The following DSE variants were observed in gnomAD, a reference collection of about 807,000 sequenced individuals.
The protein encoded by DSE is dermatan-sulfate epimerase.
In DSE, 36 loss-of-function variants were observed where a neutral mutation model predicts 84.4. The observed-to-expected ratio is 0.43, with a 90% CI of 0.33 to 0.56. The LOEUF (loss-of-function observed/expected upper bound fraction) is 0.56, where lower values mean the gene tolerates loss of function less well. Among genes scored for constraint, DSE ranks in the 20% least tolerant of loss-of-function variants. The probability of loss-of-function intolerance (pLI) is 0.06; values close to 1 mark genes in which losing one functional copy is unlikely to be tolerated. For missense variants in DSE, 862 were observed against 1,169.6 expected (o/e 0.74, Z 3.84); for synonymous variants, 410 against 430.1 (o/e 0.95, Z 0.58).
chr6:116,393,143 T>C (rs576246742), intron 1 of DSE, among the ~76,000 whole-genome samples: 13 of 152,306 alleles, frequency 8.5e-5, no homozygotes, highest in Admixed American at 5.9e-4. Flanking sequence ...AAAAAAGAAG[T>C]GGTCGCCTTT....
chr6:116,320,834 C>T (rs1336310953), intron 2 of DSE, among the ~76,000 whole-genome samples: 1 of 152,196 alleles, frequency 6.6e-6, no homozygotes, highest in African/African-American at 2.4e-5. Flanking sequence ...TTAATTACCT[C>T]TTTAGAGGCC....
intron 1 of DSE, among the ~76,000 whole-genome samples, chr6:116,394,364 A>C (rs1342592742): frequency 1.3e-5 from 2 of 152,202 alleles, no homozygotes; most frequent in Non-Finnish European, 2.9e-5. Context: ...ACGTAATGCT[A>C]AACTTGGACT....
At chr6:116,385,342 A>T (rs984052852) in intron 1 of DSE, among the ~76,000 whole-genome samples, 6 of 152,168 alleles carry the variant, frequency 3.9e-5, no homozygotes, top group Admixed American at 2.0e-4. Context: ...TCTGGCTTCT[A>T]TGTGGAGAAT....
chr6:116,371,284 C>T (rs564616810), intron 1 of DSE, among the ~76,000 whole-genome samples, 163 bp downstream of exon 1: 3 of 152,304 alleles, frequency 2.0e-5, no homozygotes, highest in South Asian at 2.1e-4. Flanking sequence ...CCGGGCCCGG[C>T]TCGGCTGGAC....
chr6:116,266,690 C>CT (rs1224423181), intron 2 of DSE, among the ~76,000 whole-genome samples: 1 of 151,982 alleles, frequency 6.6e-6, no homozygotes, highest in Non-Finnish European at 1.5e-5. Flanking sequence ...CAATAAAAAT[C>CT]CTAAGAATTA....
At chr6:116,426,971 A>G in intron 3 of DSE, 144 bp downstream of exon 3, 1 of 1,072,030 alleles carries the variant, frequency 9.3e-7, no homozygotes, top group South Asian at 1.9e-5. Flanking sequence ...TAGTCCCTAC[A>G]GTATCACTTA....
chr6:116,377,584 G>A (rs1205617643), intron 1 of DSE, among the ~76,000 whole-genome samples: 1 of 152,170 alleles, frequency 6.6e-6, no homozygotes, highest in Admixed American at 6.5e-5. Flanking sequence ...TAGTCCTTTA[G>A]ACTGGGGTAC....
At chr6:116,357,866 G>A (rs59149647) in intron 2 of DSE, among the ~76,000 whole-genome samples, 30,080 of 152,026 alleles carry the variant, frequency 0.2, 3,685 homozygotes, top group African/African-American at 0.34. Context: ...AGAAATGCCC[G>A]GCCCATGTCT....
At chr6:116,367,020 G>C (rs1253857154), upstream of DSE, 1 of 152,156 alleles carries the variant, frequency 6.6e-6, no homozygotes, top group Non-Finnish European at 1.5e-5. Context: ...TGAAAACTAA[G>C]CCCACGAAGC....
At chr6:116,348,422 G>A (rs1380608472) in intron 2 of DSE, among the ~76,000 whole-genome samples, 2 of 147,046 alleles carry the variant, frequency 1.4e-5, no homozygotes, top group African/African-American at 2.6e-5. Flanking sequence ...GTGAGACTCC[G>A]TCTCAAAAAA....
chr6:116,262,327 C>T (rs889770591), intron 2 of DSE, among the ~76,000 whole-genome samples: 5 of 152,142 alleles, frequency 3.3e-5, no homozygotes, highest in African/African-American at 1.2e-4. Flanking sequence ...GATTCAGTTT[C>T]TTCCTAGTTA....
chr6:116,414,043 G>A (rs1451323615), intron 2 of DSE, among the ~76,000 whole-genome samples: 2 of 152,232 alleles, frequency 1.3e-5, no homozygotes, highest in African/African-American at 2.4e-5. Flanking sequence ...ATGATGGGGA[G>A]TGTACGAGGT....
In DSE at chr6:116,303,765, A is replaced by T. The variant is rs190542118; in HGVS notation, c.-54+44798A>T. Among the ~76,000 whole-genome samples the T allele has an allele frequency of 1.7e-3, 254 of 152,226 alleles. 3 individuals carry two copies. The highest frequency in any genetic ancestry group is 5.4e-3 in the African/African-American group (223 of 41,504). On this transcript the variant is annotated intron_variant, in intron 2 of 3. Transcript: ENST00000430252. ...AAAAACCATATCCTGAAGAATGAAG[A>T]CTTTGGATCAGAATGGTGAGCCAGT...
At chr6:116,340,485 A>AT (rs1014303339) in intron 2 of DSE, among the ~76,000 whole-genome samples, 13 of 151,694 alleles carry the variant, frequency 8.6e-5, no homozygotes, top group African/African-American at 1.2e-4. Context: ...CATTGCTGTC[A>AT]TTTTTTTTAT....
intron 1 of DSE, among the ~76,000 whole-genome samples, chr6:116,378,149 G>T (rs1468277276): frequency 6.6e-6 from 1 of 152,188 alleles, no homozygotes; most frequent in Non-Finnish European, 1.5e-5. Context: ...CTGAAGAAAA[G>T]AAGGGGGAAA....
intron 2 of DSE, among the ~76,000 whole-genome samples, chr6:116,325,457 T>C (rs1776561478): frequency 6.6e-6 from 1 of 152,244 alleles, no homozygotes; most frequent in African/African-American, 2.4e-5. Flanking sequence ...AGAGGAATTG[T>C]ACAAAATGAT....
At chr6:116,351,437 A>G (rs763667901) in intron 2 of DSE, among the ~76,000 whole-genome samples, 14 of 152,192 alleles carry the variant, frequency 9.2e-5, no homozygotes, top group Non-Finnish European at 1.8e-4. Flanking sequence ...AAGTATGCTA[A>G]TAAGTTGTAA....
chr6:116,315,070 G>A (rs1294927893), intron 2 of DSE, among the ~76,000 whole-genome samples: 1 of 152,130 alleles, frequency 6.6e-6, no homozygotes, highest in Non-Finnish European at 1.5e-5. Context: ...GGGAAGTCCT[G>A]GGCCTGATTC....
chr6:116,399,605 A>G lies in DSE; in HGVS notation c.355A>G (p.Asn119Asp). 1 of 1,614,234 alleles carries G rather than the reference A, an allele frequency of 6.2e-7. No individual in the cohort carries two copies. The highest frequency in any genetic ancestry group is 8.5e-7 in the Non-Finnish European group (1 of 1,180,048). Residue 119 changes from asparagine (N) to aspartate (D), a missense_variant, in exon 2 of 6, where the codon AAC becomes GAC. By Grantham distance (23) the Asn-to-Asp change is conservative. Transcript: ENST00000644252. ...LAMFCVLYPE[N>D]IEARDMAKDY... The stretch of plus-strand genomic sequence containing the variant: ...AATGTTCTGTGTGCTGTATCCTGAG[A>G]ACATTGAAGCCCGAGACATGGCCAA...
Sources: gnomAD v4.1 joint callset for allele counts (sites outside exome capture counted in the v4.1 genomes callset) on GRCh38, gnomAD v4.1.1 for gene constraint, MANE v1.5 for transcripts, NCBI Gene and HGNC (gene_info 2026-07-23, HGNC 2026-07-21) for gene names.